OVCH1: variants seen among roughly 807,000 people sequenced by gnomAD.
OVCH1 encodes ovochymase-1.
In OVCH1, 139 loss-of-function variants were observed where a neutral mutation model predicts 138.4. That is an observed-to-expected ratio of 1.00 (90% confidence interval 0.87 to 1.16). The LOEUF is 1.16. Among genes scored for constraint, OVCH1 ranks in the 50% most tolerant of loss-of-function variants. The probability of loss-of-function intolerance (pLI) is 0.00; values close to 1 mark genes in which losing one functional copy is unlikely to be tolerated. For missense variants in OVCH1, 1,367 were observed against 1,357.9 expected (o/e 1.01, Z -0.11); for synonymous variants, 453 against 467.8 (o/e 0.97, Z 0.41).
chr12:29,426,765 C>G (rs1183529363), downstream of OVCH1, among the ~76,000 whole-genome samples: 10 of 152,292 alleles, frequency 6.6e-5, no homozygotes, highest in East Asian at 1.9e-3. Context: ...TGTTATCCTC[C>G]TCTAAAGCAA....
At chr12:29,477,575 T>G in exon 10 of OVCH1, 1 of 1,613,746 alleles carries the variant, frequency 6.2e-7, no homozygotes, top group Non-Finnish European at 8.5e-7. Flanking sequence ...GAGAGATCTC[T>G]GATCTAAACA....
chr12:29,422,989 G>T, downstream of OVCH1: 1 of 225,474 alleles, frequency 4.4e-6, no homozygotes, highest in Non-Finnish European at 9.0e-6. Context: ...ATGCCTTAAG[G>T]AATGGTTTGA....
rs372321514 is a variant in OVCH1, at chr12:29,462,617, A to T, written c.2126-609T>A. Among the ~76,000 whole-genome samples the T allele has an allele frequency of 8.5e-5, 13 of 152,220 alleles. No individual in the cohort carries two copies. The East Asian group carries it at 1.7e-3, about 20-fold the overall frequency. On this transcript the variant is annotated intron_variant, in intron 18 of 27. Transcript: ENST00000318184. Reference sequence around the variant, plus strand: ...TTTAGATTTATGACCAATTTTTTTAAGTTTAATATTTTATAGCCCTATACC... The same window carrying T: ...TTTAGATTTATGACCAATTTTTTTATGTTTAATATTTTATAGCCCTATACC...
Position 29,455,289 on chromosome 12 carries a change from T to C in OVCH1, c.2397A>G (p.Arg799=), listed in dbSNP as rs766734890. The C allele has an allele frequency of 5.6e-6, 9 of 1,613,784 alleles. No homozygotes were observed. In the South Asian group the frequency reaches 9.9e-5, roughly 18 times the overall value. Residue 799 remains arginine, a synonymous_variant, in exon 20 of 28, where the codon AGA becomes AGG. Coordinates refer to ENST00000318184, the Ensembl canonical transcript of OVCH1. Reference sequence around the variant, plus strand: ...GGATCCAGTCCAAGAAGATCATCACTCTGGCAAATACACCCGGCTTCCATG... The same window carrying C: ...GGATCCAGTCCAAGAAGATCATCACCCTGGCAAATACACCCGGCTTCCATG...
intron 3 of OVCH1, among the ~76,000 whole-genome samples, chr12:29,422,568 G>A (rs895964967): frequency 5.3e-5 from 8 of 152,300 alleles, no homozygotes; most frequent in African/African-American, 1.7e-4. Context: ...CACCTAATAT[G>A]TTCATTCATT....
chr12:29,497,269 C>CAAACAAAACAAAACA (rs61697247), intron 1 of OVCH1, among the ~76,000 whole-genome samples: 8,779 of 151,824 alleles, frequency 0.058, 615 homozygotes, highest in African/African-American at 0.17. Context: ...CTCAAACAAA[C>CAAACAAAACAAAACA]AAACAAAACA....
Position 29,465,128 on chromosome 12 carries a change from T to C in OVCH1, c.1929+19A>G, listed in dbSNP as rs1170365899. The C allele has an allele frequency of 4.4e-6, 7 of 1,578,854 alleles. No individual in the cohort carries two copies. Among genetic ancestry groups the C allele is most frequent in the East Asian group, 2.3e-5 (1 of 43,974 alleles). ...CATTTAGATTACAGGCAGAATGACC[T>C]GTAAAAACATTTTTTCACCTGCTCT... On this transcript the variant is annotated intron_variant, in intron 17 of 27. Transcript: ENST00000318184.
exon 14 of OVCH1, chr12:29,475,170 C>T: frequency 6.7e-7 from 1 of 1,482,854 alleles, no homozygotes. Flanking sequence ...AAGTGATGGT[C>T]AACATTCCAC....
At chr12:29,488,856 CCTAT>C (rs1943194496) in intron 6 of OVCH1, among the ~76,000 whole-genome samples, 1 of 152,208 alleles carries the variant, frequency 6.6e-6, no homozygotes, top group East Asian at 1.9e-4. Flanking sequence ...GCACCTTTAG[CCTAT>C]CTGTTTTCCA....
intron 19 of OVCH1, among the ~76,000 whole-genome samples, chr12:29,460,371 A>G (rs1209941774): frequency 6.6e-6 from 1 of 152,208 alleles, no homozygotes; most frequent in Non-Finnish European, 1.5e-5. Flanking sequence ...GGAAGAATGA[A>G]CACATTAATT....
chr12:29,472,778 G>C (rs1368887205), intron 15 of OVCH1, among the ~76,000 whole-genome samples: 1 of 152,176 alleles, frequency 6.6e-6, no homozygotes, highest in Non-Finnish European at 1.5e-5. Flanking sequence ...AGTTTGTAGA[G>C]GAATGAATGA....
chr12:29,424,724 T>TAATA (rs1278419191), downstream of OVCH1, among the ~76,000 whole-genome samples: 2 of 152,208 alleles, frequency 1.3e-5, no homozygotes, highest in Non-Finnish European at 2.9e-5. Flanking sequence ...AATAACTCCA[T>TAATA]AATAACCTGC....
Position 29,451,361 on chromosome 12 carries a change from A to G in OVCH1, c.2739T>C (p.Ser913=), listed in dbSNP as rs766242991. Residue 913 remains serine (S), a synonymous_variant, in exon 22 of 28, where the codon AGT becomes AGC. Transcript: ENST00000318184. ...AAGGATTACCTGCCGTCTTTCTCTT[A>G]CTGTGTCTTTCTTCATAAATAATTA... The G allele has an allele frequency of 4.3e-6, 7 of 1,612,440 alleles. No individual in the cohort carries two copies. The East Asian group carries it at 1.6e-4, about 36-fold the overall frequency.
At chr12:29,464,599 G>A (rs1370810836) in exon 18 of OVCH1, 8 of 1,613,532 alleles carry the variant, frequency 5.0e-6, no homozygotes, top group African/African-American at 1.3e-5. Context: ...CCTCACCACC[G>A]AGTTGTACTC....
intron 1 of OVCH1, 133 bp downstream of exon 1, chr12:29,497,490 T>A: frequency 9.6e-7 from 1 of 1,037,978 alleles, no homozygotes; most frequent in Non-Finnish European, 1.4e-6. Flanking sequence ...CACCACCCCC[T>A]CACCCTTTCT....
chr12:29,495,481 A>C, intron 3 of OVCH1, 24 bp from the exon 4 acceptor site: 3 of 1,603,942 alleles, frequency 1.9e-6, no homozygotes, highest in Non-Finnish European at 2.6e-6. Context: ...AAAATGTTTC[A>C]TAAGTAGTTG....
At chr12:29,444,003 C>T (rs1941551755) in intron 24 of OVCH1, 142 bp downstream of exon 24, 7 of 846,336 alleles carry the variant, frequency 8.3e-6, no homozygotes, top group Non-Finnish European at 1.2e-5. Flanking sequence ...TATTAAAAGC[C>T]ATAGATTAGG....
chr12:29,457,507 G>A (rs1034907047), intron 19 of OVCH1, among the ~76,000 whole-genome samples: 3 of 129,942 alleles, frequency 2.3e-5, no homozygotes, highest in African/African-American at 8.7e-5. Context: ...GGTTTCAAGC[G>A]ATTTTCCTGC....
chr12:29,417,990 T>TA (rs1941055042), intron 3 of OVCH1, among the ~76,000 whole-genome samples: 1 of 152,176 alleles, frequency 6.6e-6, no homozygotes, highest in African/African-American at 2.4e-5. Context: ...GAGGAACAGT[T>TA]AAAGAATGTA....
Sources: gnomAD v4.1 joint callset for allele counts (sites outside exome capture counted in the v4.1 genomes callset) on GRCh38, gnomAD v4.1.1 for gene constraint, MANE v1.5 for transcripts, NCBI Gene and HGNC (gene_info 2026-07-23, HGNC 2026-07-21) for gene names.